Variants in SHISA6 observed in about 807,000 individuals in gnomAD.
SHISA6 encodes the protein shisa family member 6, also known as protein shisa-6.
In SHISA6, 22 loss-of-function variants were observed where a neutral mutation model predicts 47.9. The ratio of observed to expected loss-of-function variants is 0.46; its 90% CI spans 0.33 to 0.66. The LOEUF is 0.66. SHISA6 is among the 30% of genes least tolerant of loss of function. The pLI is 0.02. For synonymous variants in SHISA6, 388 were observed against 337.8 expected (o/e 1.15, Z -1.63); for missense variants, 680 against 764.6 (o/e 0.89, Z 1.30).
At chr17:11,360,811 A>G (rs1478616345) in intron 2 of SHISA6, among the ~76,000 whole-genome samples, 2 of 151,422 alleles carry the variant, frequency 1.3e-5, no homozygotes. Flanking sequence ...AAAAAAAAAA[A>G]AAGAATCTCC....
intron 3 of SHISA6, among the ~76,000 whole-genome samples, chr17:11,488,314 G>A (rs1424825292): frequency 6.6e-6 from 1 of 152,034 alleles, no homozygotes; most frequent in Admixed American, 6.5e-5. Context: ...ACACCATATT[G>A]TTCAACATCC....
chr17:11,379,025 G>A, intron 2 of SHISA6, among the ~76,000 whole-genome samples: 3 of 151,720 alleles, frequency 2.0e-5, no homozygotes, highest in Middle Eastern at 6.8e-3. Flanking sequence ...CGTGTATCTC[G>A]TTTGTTCTCC....
chr17:11,524,172 G>A (rs2071656045), intron 3 of SHISA6, among the ~76,000 whole-genome samples: 1 of 152,116 alleles, frequency 6.6e-6, no homozygotes, highest in South Asian at 2.1e-4. Context: ...CTGCCATCTG[G>A]TAATAGGGCC....
chr17:11,328,757 G>A (rs1473393755), intron 2 of SHISA6, among the ~76,000 whole-genome samples: 1 of 152,182 alleles, frequency 6.6e-6, no homozygotes, highest in Non-Finnish European at 1.5e-5. Flanking sequence ...TCAGGCAGAG[G>A]AAAGTATGAT....
In SHISA6 at chr17:11,559,598, C is replaced by T. The variant is rs1308596885; in HGVS notation, c.*1294C>T. 6.6e-6 allele frequency: 1 copy of T among 152,614 alleles called. No homozygotes were observed. Among genetic ancestry groups the T allele is most frequent in the Non-Finnish European group, 1.5e-5 (1 of 68,344 alleles). 9.5% of individuals were successfully genotyped at this position (152,614 alleles called of 1,614,324 possible). ...CTGATCCTTCAGATCCGTGCCTCCT[C>T]TGGATCAAAGGGACAAAGACCTATT... On this transcript the variant is annotated 3_prime_UTR_variant, in exon 6 of 6. Coordinates refer to ENST00000441885, the MANE Select transcript of SHISA6 (RefSeq NM_207386.4). This position sits in a 1 kb window ranked among gnomAD's most constrained non-coding sequence, Gnocchi z 4.4.
intron 3 of SHISA6, among the ~76,000 whole-genome samples, chr17:11,490,098 CAG>C (rs1383829867): frequency 6.6e-6 from 1 of 152,072 alleles, no homozygotes; most frequent in Non-Finnish European, 1.5e-5. Context: ...ATACAAGAGT[CAG>C]GGGAGAAGGA....
intron 1 of SHISA6, among the ~76,000 whole-genome samples, chr17:11,250,130 C>T (rs4792112): frequency 0.99 from 151,549 of 152,376 alleles, 75,367 homozygotes; most frequent in Middle Eastern, 1. Flanking sequence ...AAAAAGTGCA[C>T]GTCCCATATT....
intron 3 of SHISA6, among the ~76,000 whole-genome samples, chr17:11,452,477 T>G (rs1296423066): frequency 6.6e-6 from 1 of 152,034 alleles, no homozygotes; most frequent in Non-Finnish European, 1.5e-5. Context: ...GGAATTAGAG[T>G]GACTCAGTGG....
At chr17:11,363,941 C>G (rs1399309907) in intron 2 of SHISA6, among the ~76,000 whole-genome samples, 1 of 152,186 alleles carries the variant, frequency 6.6e-6, no homozygotes, top group Non-Finnish European at 1.5e-5. Flanking sequence ...TCTCAGTGCA[C>G]TGCTTAAGGA....
intron 3 of SHISA6, among the ~76,000 whole-genome samples, chr17:11,504,196 T>G (rs1339579944): frequency 2.0e-5 from 3 of 152,192 alleles, no homozygotes; most frequent in Non-Finnish European, 4.4e-5. Flanking sequence ...GAAGGCTGGC[T>G]TCATGGGCTT....
At chr17:11,306,497 G>C (rs1309623302) in intron 2 of SHISA6, among the ~76,000 whole-genome samples, 1 of 152,220 alleles carries the variant, frequency 6.6e-6, no homozygotes, top group East Asian at 1.9e-4. Flanking sequence ...GCATGCCCTT[G>C]TTTATGGCCA....
chr17:11,343,560 C>T (rs528666393), intron 2 of SHISA6, among the ~76,000 whole-genome samples: 2 of 152,236 alleles, frequency 1.3e-5, no homozygotes, highest in Admixed American at 1.3e-4. Context: ...ACGTTGTCTG[C>T]CTGGGATGCT....
At chr17:11,419,122 A>C (rs1914376162) in intron 3 of SHISA6, among the ~76,000 whole-genome samples, 1 of 152,106 alleles carries the variant, frequency 6.6e-6, no homozygotes, top group African/African-American at 2.4e-5. Context: ...CAAAATGACG[A>C]GAGTTAATGG....
chr17:11,401,066 G>C (rs1913756054), intron 3 of SHISA6, among the ~76,000 whole-genome samples: 1 of 152,172 alleles, frequency 6.6e-6, no homozygotes, highest in African/African-American at 2.4e-5. Flanking sequence ...TTGGCTCTCT[G>C]ACTAGACTAG....
At chr17:11,452,082 G>A (rs140141945) in intron 3 of SHISA6, among the ~76,000 whole-genome samples, 7 of 152,324 alleles carry the variant, frequency 4.6e-5, no homozygotes, top group East Asian at 1.9e-4. Context: ...ACAGGACCAC[G>A]GACATGGAGA....
intron 3 of SHISA6, among the ~76,000 whole-genome samples, chr17:11,516,048 T>C (rs8069440): frequency 0.021 from 3,250 of 152,262 alleles, 115 homozygotes; most frequent in African/African-American, 0.073. Context: ...ATGTGGCAGA[T>C]TTTTTAATGT....
At chr17:11,530,253 G>T (rs1597571473) in intron 3 of SHISA6, among the ~76,000 whole-genome samples, 1 of 152,060 alleles carries the variant, frequency 6.6e-6, no homozygotes, top group African/African-American at 2.4e-5. Flanking sequence ...TAACAATAAG[G>T]ATAGGTTAAA....
intron 1 of SHISA6, among the ~76,000 whole-genome samples, chr17:11,253,909 G>C (rs1002537775): frequency 2.0e-5 from 3 of 151,994 alleles, no homozygotes; most frequent in Non-Finnish European, 4.4e-5. Flanking sequence ...AAACTTGTCC[G>C]GACTTCGAGC....
At chr17:11,471,280 T>C (rs538535638) in intron 3 of SHISA6, among the ~76,000 whole-genome samples, 4 of 149,836 alleles carry the variant, frequency 2.7e-5, no homozygotes, top group African/African-American at 7.4e-5. Context: ...AGAAAGGCCA[T>C]GTACAGGAGC....
Sources: gnomAD v4.1 joint callset for allele counts (sites outside exome capture counted in the v4.1 genomes callset) on GRCh38, gnomAD v4.1.1 for gene constraint, Gnocchi (gnomAD v3.1) non-coding constraint, MANE v1.5 for transcripts, NCBI Gene and HGNC (gene_info 2026-07-23, HGNC 2026-07-21) for gene names.